ARID2: variants seen among roughly 807,000 people sequenced by gnomAD.
ARID2 encodes AT-rich interaction domain 2.
A neutral mutation model predicts 184.6 loss-of-function variants in ARID2; 32 were observed. The ratio of observed to expected loss-of-function variants is 0.17; its 90% CI spans 0.13 to 0.23. The LOEUF (loss-of-function observed/expected upper bound fraction) is 0.23, where lower values mean the gene tolerates loss of function less well. Ranked by LOEUF, ARID2 falls within the 10% of genes least tolerant of loss-of-function variation. The probability of loss-of-function intolerance (pLI) is 1.00; values close to 1 mark genes in which losing one functional copy is unlikely to be tolerated. For synonymous variants in ARID2, 836 were observed against 772.6 expected (o/e 1.08, Z -1.36); for missense variants, 1,696 against 2,197.6 (o/e 0.77, Z 4.56).
At chr12:45,809,983 C>T (rs1942674342) in intron 3 of ARID2, among the ~76,000 whole-genome samples, 1 of 152,208 alleles carries the variant, frequency 6.6e-6, no homozygotes, top group African/African-American at 2.4e-5. Flanking sequence ...TCCCTTACCT[C>T]AGCTGTCTTA....
chr12:45,817,909 A>G (rs1170517216), intron 5 of ARID2, 21 bp downstream of exon 5: 9 of 1,574,080 alleles, frequency 5.7e-6, no homozygotes, highest in East Asian at 2.3e-5. Context: ...AGCTGAATGT[A>G]TTATATAATT....
chr12:45,848,798 A>G, intron 12 of ARID2, 38 bp from the exon 13 acceptor site: 1 of 1,543,472 alleles, frequency 6.5e-7, no homozygotes, highest in Non-Finnish European at 8.8e-7. Flanking sequence ...AGTTTCCTAG[A>G]GTATATTGTA....
At chr12:45,773,251 A>G (rs1419778707) in intron 3 of ARID2, among the ~76,000 whole-genome samples, 1 of 152,100 alleles carries the variant, frequency 6.6e-6, no homozygotes, top group Non-Finnish European at 1.5e-5. Flanking sequence ...CAGTTAAGGT[A>G]GTGCTTAGAG....
chr12:45,808,729 TTGCG>T (rs1007823252), intron 3 of ARID2, among the ~76,000 whole-genome samples: 2 of 149,338 alleles, frequency 1.3e-5, no homozygotes, highest in African/African-American at 2.5e-5. Context: ...AAATGTGTGT[TTGCG>T]TGCGTGTGTG....
intron 3 of ARID2, among the ~76,000 whole-genome samples, chr12:45,803,541 T>C (rs1198013259): frequency 1.3e-5 from 2 of 152,170 alleles, no homozygotes. Context: ...AAGCATCACG[T>C]AACAAAAAGT....
At chr12:45,854,878 A>G (rs957349468) in intron 15 of ARID2, among the ~76,000 whole-genome samples, 2 of 152,242 alleles carry the variant, frequency 1.3e-5, no homozygotes, top group Non-Finnish European at 1.5e-5. Context: ...TTATTAGGTA[A>G]AATTTATTAT....
At chr12:45,800,922 G>GA (rs1350132795) in intron 3 of ARID2, among the ~76,000 whole-genome samples, 2 of 152,266 alleles carry the variant, frequency 1.3e-5, no homozygotes, top group African/African-American at 4.8e-5. Flanking sequence ...GAAGTAAGAG[G>GA]AGACTCTCTG....
At chr12:45,779,611 G>A (rs1942051702) in intron 3 of ARID2, among the ~76,000 whole-genome samples, 1 of 152,082 alleles carries the variant, frequency 6.6e-6, no homozygotes, top group East Asian at 1.9e-4. Context: ...AATCACCATT[G>A]ATTAATAGAC....
intron 6 of ARID2, among the ~76,000 whole-genome samples, chr12:45,823,038 G>A (rs995369737): frequency 6.6e-6 from 1 of 151,936 alleles, no homozygotes; most frequent in African/African-American, 2.4e-5. Context: ...TCAGCACATG[G>A]AACAGTCTCT....
At chr12:45,882,198 T>C (rs1441282305) in intron 16 of ARID2, 1 of 152,296 alleles carries the variant, frequency 6.6e-6, no homozygotes, top group Non-Finnish European at 1.5e-5. Context: ...CTCCAGTTCT[T>C]TGATGACCTT....
chr12:45,838,971 T>G (rs912968458), intron 10 of ARID2, among the ~76,000 whole-genome samples: 6 of 151,072 alleles, frequency 4.0e-5, no homozygotes, highest in Non-Finnish European at 8.8e-5. Context: ...GTTCATGCCA[T>G]TCTCCTGCCT....
intron 3 of ARID2, among the ~76,000 whole-genome samples, chr12:45,771,712 T>C (rs1941881359): frequency 6.7e-6 from 1 of 149,548 alleles, no homozygotes. Flanking sequence ...ATATATATAG[T>C]CTTTGGGACC....
At chr12:45,746,027 G>A (rs1941348927) in intron 3 of ARID2, among the ~76,000 whole-genome samples, 1 of 151,106 alleles carries the variant, frequency 6.6e-6, no homozygotes, top group African/African-American at 2.4e-5. Flanking sequence ...TCATTTAAAG[G>A]TTAGTCTAGT....
At chr12:45,802,335 G>A (rs1194682836) in intron 3 of ARID2, among the ~76,000 whole-genome samples, 1 of 152,072 alleles carries the variant, frequency 6.6e-6, no homozygotes, top group Non-Finnish European at 1.5e-5. Flanking sequence ...CCAAAGTGTT[G>A]GAATTATAGG....
chr12:45,869,051 G>A (rs1017777963), intron 16 of ARID2, among the ~76,000 whole-genome samples: 5 of 151,356 alleles, frequency 3.3e-5, no homozygotes, highest in East Asian at 1.9e-4. Flanking sequence ...ATGGAGTCTC[G>A]CTGTGTCACC....
chr12:45,893,297 G>A (rs1030347334), intron 18 of ARID2, 123 bp from the exon 19 acceptor site: 33 of 1,210,764 alleles, frequency 2.7e-5, no homozygotes, highest in Non-Finnish European at 3.5e-5. Context: ...TGGACCTTTA[G>A]TCACCCTGTA....
intron 3 of ARID2, among the ~76,000 whole-genome samples, chr12:45,786,073 T>C (rs1300775883): frequency 5.9e-5 from 9 of 152,228 alleles, no homozygotes. Context: ...GAAAGAATAC[T>C]GTCAATCTCT....
At chr12:45,774,660 C>T (rs918952722) in intron 3 of ARID2, among the ~76,000 whole-genome samples, 1 of 152,118 alleles carries the variant, frequency 6.6e-6, no homozygotes, top group Non-Finnish European at 1.5e-5. Context: ...TTCCTCCCTC[C>T]AAAGTTTCTA....
chr12:45,815,540 G>A (rs1468977124), intron 4 of ARID2, among the ~76,000 whole-genome samples: 5 of 152,024 alleles, frequency 3.3e-5, no homozygotes, highest in Non-Finnish European at 7.4e-5. Flanking sequence ...TTACTTACAT[G>A]ATATTCTTCT....
Sources: allele counts gnomAD v4.1 joint callset (sites outside exome capture counted in the v4.1 genomes callset), GRCh38; gene constraint gnomAD v4.1.1; transcripts MANE v1.5; gene names NCBI Gene and HGNC (gene_info 2026-07-23, HGNC 2026-07-21).